The following ERC2 variants were observed in gnomAD, a reference collection of about 807,000 sequenced individuals.
ERC2 encodes the protein ERC protein 2.
A neutral mutation model predicts 114.8 loss-of-function variants in ERC2; 42 were observed. The observed-to-expected ratio is 0.37, with a 90% confidence interval of 0.29 to 0.47. The LOEUF (loss-of-function observed/expected upper bound fraction) is 0.47, where lower values mean the gene tolerates loss of function less well. Among genes scored for constraint, ERC2 ranks in the 20% least tolerant of loss-of-function variants. ERC2 has a pLI of 0.99. For synonymous variants in ERC2, 454 were observed against 425.5 expected (o/e 1.07, Z -0.82); for missense variants, 939 against 1,150.7 (o/e 0.82, Z 2.66).
intron 6 of ERC2, among the ~76,000 whole-genome samples, chr3:56,134,862 C>T (rs775779711): frequency 1.3e-5 from 2 of 151,842 alleles, no homozygotes; most frequent in Non-Finnish European, 2.9e-5. Context: ...CAAACCATGC[C>T]GAGTTGGAGA....
At chr3:55,573,875 G>A (rs2056846863) in intron 17 of ERC2, among the ~76,000 whole-genome samples, 1 of 152,086 alleles carries the variant, frequency 6.6e-6, no homozygotes, top group South Asian at 2.1e-4. Flanking sequence ...AAGTTTTTCT[G>A]AATTGAGAAC....
Position 56,149,052 on chromosome 3 carries a change from C to G in ERC2, c.1230G>C (p.Leu410=). The G allele has an allele frequency of 6.2e-7, 1 of 1,613,392 alleles. No homozygotes were observed. The highest frequency in any genetic ancestry group is 8.5e-7 in the Non-Finnish European group (1 of 1,179,592). The change falls in exon 5 of 18, where the codon CTG becomes CTC. Residue 410 remains leucine (L), a synonymous_variant. Coordinates refer to ENST00000288221, the MANE Select transcript of ERC2 (RefSeq NM_015576.3). ...EIQMLKANGV[L]NTEDREEEIK... ...TCTCTTCTTCGCGGTCCTCAGTGTT[C>G]AGCACACCATTGGCTTTTAACATCT...
intron 7 of ERC2, among the ~76,000 whole-genome samples, chr3:56,070,021 T>G (rs983222653): frequency 6.6e-6 from 1 of 152,162 alleles, no homozygotes; most frequent in African/African-American, 2.4e-5. Flanking sequence ...AAGAACACAT[T>G]ACCCTTACTT....
intron 14 of ERC2, among the ~76,000 whole-genome samples, chr3:55,767,732 T>C (rs112452955): frequency 8.3e-4 from 126 of 152,224 alleles, no homozygotes; most frequent in African/African-American, 2.8e-3. Context: ...AACAAATAAC[T>C]GATGTGAATG....
chr3:55,627,773 C>A (rs575013651), intron 17 of ERC2, among the ~76,000 whole-genome samples: 8 of 151,808 alleles, frequency 5.3e-5, no homozygotes, highest in South Asian at 2.1e-4. Flanking sequence ...GGACTGAAAT[C>A]ATCAATCAAG....
chr3:55,979,502 G>C (rs763437391), intron 12 of ERC2, among the ~76,000 whole-genome samples: 1 of 152,118 alleles, frequency 6.6e-6, no homozygotes, highest in Non-Finnish European at 1.5e-5. Context: ...ACTAGAAATA[G>C]TACATTCCAT....
intron 12 of ERC2, among the ~76,000 whole-genome samples, chr3:55,964,376 C>A (rs140696394): frequency 6.6e-6 from 1 of 151,924 alleles, no homozygotes; most frequent in African/African-American, 2.4e-5. Context: ...AAAATACTAT[C>A]GTACATTACT....
intron 17 of ERC2, among the ~76,000 whole-genome samples, chr3:55,526,642 G>C (rs1278256468): frequency 1.3e-5 from 2 of 152,150 alleles, no homozygotes; most frequent in Non-Finnish European, 2.9e-5. Context: ...ATTTCAATTG[G>C]CCATGAAGTA....
intron 17 of ERC2, among the ~76,000 whole-genome samples, chr3:55,591,198 T>TA (rs2057861461): frequency 6.6e-6 from 1 of 151,878 alleles, no homozygotes; most frequent in African/African-American, 2.4e-5. Flanking sequence ...TTTTTTTTTT[T>TA]TAAACAAATT....
chr3:55,658,747 G>A (rs1027247196), intron 17 of ERC2: 1 of 152,682 alleles, frequency 6.5e-6, no homozygotes, highest in Non-Finnish European at 1.5e-5. Context: ...GTGAATCTGA[G>A]TAGTTCTGAC....
At chr3:55,973,630 G>A (rs1374787347) in intron 12 of ERC2, among the ~76,000 whole-genome samples, 1 of 152,180 alleles carries the variant, frequency 6.6e-6, no homozygotes, top group Non-Finnish European at 1.5e-5. Flanking sequence ...ACTAACCTCA[G>A]TTTAGTCATA....
At chr3:56,304,202 A>G (rs964660688) in intron 2 of ERC2, among the ~76,000 whole-genome samples, 1 of 152,220 alleles carries the variant, frequency 6.6e-6, no homozygotes, top group Admixed American at 6.5e-5. Context: ...CAAAGACACA[A>G]TGGAGATAAG....
chr3:55,825,206 C>T (rs753188761), intron 14 of ERC2, among the ~76,000 whole-genome samples: 5 of 152,206 alleles, frequency 3.3e-5, no homozygotes, highest in Non-Finnish European at 5.9e-5. Context: ...TTAACAATTT[C>T]AGATCCAGGC....
At chr3:55,705,802 T>C (rs2063450164) in intron 15 of ERC2, among the ~76,000 whole-genome samples, 1 of 152,208 alleles carries the variant, frequency 6.6e-6, no homozygotes, top group African/African-American at 2.4e-5. Context: ...CAGACAGAAA[T>C]TTAGTAGATC....
intron 15 of ERC2, among the ~76,000 whole-genome samples, chr3:55,712,841 T>C (rs1044825913): frequency 2.0e-5 from 3 of 152,108 alleles, no homozygotes. Context: ...AACTAGTCAC[T>C]CCCCACTTCT....
At position 56,330,049 on chromosome 3, in the gene ERC2, G is replaced by C. The variant is rs545217499; in HGVS notation, c.658-33614C>G. Among the ~76,000 whole-genome samples, 6 of 149,272 alleles carry C rather than the reference G, an allele frequency of 4.0e-5. No individual in the cohort carries two copies. The East Asian group carries it at 1.2e-3, about 29-fold the overall frequency. ...ATATATTTCCACAGCTACCTTAAGA[G>C]AGAGAGAGGGTGTCTCTCTGTCACC... is the stretch of plus-strand genomic sequence containing the variant. On this transcript the variant is annotated intron_variant, in intron 2 of 17. Transcript: ENST00000288221.
chr3:56,442,169 C>T (rs939051285), intron 1 of ERC2, among the ~76,000 whole-genome samples: 10 of 152,082 alleles, frequency 6.6e-5, no homozygotes, highest in African/African-American at 1.9e-4. Context: ...TCCCGAATTA[C>T]GAAACTCAGG....
intron 1 of ERC2, among the ~76,000 whole-genome samples, chr3:56,439,040 C>T (rs1393386828): frequency 6.6e-6 from 1 of 152,152 alleles, no homozygotes; most frequent in Non-Finnish European, 1.5e-5. Context: ...CAGATGTATG[C>T]TAGTATCATA....
At chr3:56,358,855 C>T (rs2058841539) in intron 2 of ERC2, among the ~76,000 whole-genome samples, 1 of 152,192 alleles carries the variant, frequency 6.6e-6, no homozygotes, top group African/African-American at 2.4e-5. Context: ...TGTAAGGATT[C>T]AATACCTGTA....
Sources: allele counts gnomAD v4.1 joint callset (sites outside exome capture counted in the v4.1 genomes callset), GRCh38; gene constraint gnomAD v4.1.1; transcripts MANE v1.5; gene names NCBI Gene and HGNC (gene_info 2026-07-23, HGNC 2026-07-21).